DOCK1: variants seen among roughly 807,000 people sequenced by gnomAD.
DOCK1 encodes dedicator of cytokinesis 1, also known as dedicator of cytokinesis protein 1.
In DOCK1, 138 loss-of-function variants were observed where a neutral mutation model predicts 262.7. That is an observed-to-expected ratio of 0.53 (90% confidence interval 0.46 to 0.61). The LOEUF (loss-of-function observed/expected upper bound fraction) is 0.61, where lower values mean the gene tolerates loss of function less well. Ranked by LOEUF, DOCK1 falls within the 20% of genes least tolerant of loss-of-function variation. DOCK1 has a pLI of 0.00. For missense variants in DOCK1, 1,908 were observed against 2,370.7 expected (o/e 0.80, Z 4.05); for synonymous variants, 866 against 867.4 (o/e 1.00, Z 0.03).
intron 29 of DOCK1, among the ~76,000 whole-genome samples, chr10:127,286,114 A>G (rs1353792237): frequency 1.3e-5 from 2 of 152,098 alleles, no homozygotes; most frequent in African/African-American, 4.8e-5. Context: ...CTCCATGTGT[A>G]GGCCTGAATC....
intron 1 of DOCK1, among the ~76,000 whole-genome samples, chr10:126,941,395 CT>C (rs2034967813): frequency 1.8e-5 from 2 of 108,964 alleles, no homozygotes; most frequent in African/African-American, 2.6e-5. Context: ...CTAGTTTTAA[CT>C]TTAGTCTTTT....
intron 21 of DOCK1, among the ~76,000 whole-genome samples, chr10:127,045,061 G>A (rs2044251892): frequency 6.6e-6 from 1 of 151,954 alleles, no homozygotes; most frequent in South Asian, 2.1e-4. Context: ...AGCTGCGCGT[G>A]GTGGCACGTG....
intron 38 of DOCK1, chr10:127,402,717 C>G (rs1338886813): frequency 1.9e-6 from 1 of 536,402 alleles, no homozygotes; most frequent in Admixed American, 1.9e-5. Flanking sequence ...TTCCCTGGCT[C>G]CAAGGCTGCT....
intron 29 of DOCK1, among the ~76,000 whole-genome samples, chr10:127,335,451 CAGAA>C (rs1406072536): frequency 6.6e-6 from 1 of 152,214 alleles, no homozygotes; most frequent in Non-Finnish European, 1.5e-5. Flanking sequence ...TCCTCTGTAA[CAGAA>C]AGCGGATTGG....
chr10:127,384,969 T>G, intron 38 of DOCK1, 60 bp downstream of exon 38: 1 of 1,444,914 alleles, frequency 6.9e-7, no homozygotes, highest in Non-Finnish European at 9.1e-7. Context: ...CCTGCAGTGT[T>G]GTAAACACGT....
intron 1 of DOCK1, among the ~76,000 whole-genome samples, chr10:126,922,823 G>C (rs902516759): frequency 1.3e-5 from 2 of 152,132 alleles, no homozygotes; most frequent in African/African-American, 4.8e-5. Context: ...TAAAAAAAAA[G>C]ATGAGGACCG....
chr10:127,194,768 T>G (rs965567394), intron 27 of DOCK1, among the ~76,000 whole-genome samples: 5 of 152,152 alleles, frequency 3.3e-5, no homozygotes, highest in African/African-American at 1.2e-4. Flanking sequence ...TATCCTGAGC[T>G]GTAGTCTTCT....
At chr10:127,373,647 T>C (rs2065331620) in intron 33 of DOCK1, 134 bp from the exon 34 acceptor site, 1 of 779,320 alleles carries the variant, frequency 1.3e-6, no homozygotes, top group Admixed American at 2.4e-5. Context: ...TGGCAACTCT[T>C]AAATGAGGCT....
intron 21 of DOCK1, 42 bp downstream of exon 21, chr10:127,043,206 G>A: frequency 6.9e-7 from 1 of 1,453,940 alleles, no homozygotes; most frequent in East Asian, 2.3e-5. Context: ...TTCTTTTTTT[G>A]GTATTTGTGT....
At chr10:127,246,076 C>T (rs2059422351) in intron 27 of DOCK1, among the ~76,000 whole-genome samples, 2 of 152,208 alleles carry the variant, frequency 1.3e-5, no homozygotes, top group Non-Finnish European at 2.9e-5. Flanking sequence ...CACCCTCTTC[C>T]AGCTTTCTCT....
chr10:127,308,886 G>T (rs148464435), intron 29 of DOCK1, among the ~76,000 whole-genome samples: 2 of 152,134 alleles, frequency 1.3e-5, no homozygotes, highest in Non-Finnish European at 2.9e-5. Flanking sequence ...AAATAGTGTC[G>T]CAATAAACAT....
chr10:127,031,055 C>G (rs2043204115), intron 16 of DOCK1, among the ~76,000 whole-genome samples: 1 of 152,198 alleles, frequency 6.6e-6, no homozygotes, highest in Non-Finnish European at 1.5e-5. Flanking sequence ...TCGCCAAAGG[C>G]AGCACAATTT....
Position 127,000,192 on chromosome 10 carries a change from G to A in DOCK1, c.870G>A (p.Leu290=), listed in dbSNP as rs374911005. 1 of 1,614,004 alleles carries A rather than the reference G, an allele frequency of 6.2e-7. No homozygotes were observed. The highest frequency in any genetic ancestry group is 8.5e-7 in the Non-Finnish European group (1 of 1,179,876). Residue 290 remains leucine (L), a synonymous_variant, in exon 10 of 52, where the codon CTG becomes CTA. Transcript: ENST00000623213. ...TCTAGGACCTCGGAAGCAAAGACCT[G>A]AAAAGGGAGAAAATCAGTTTTGTCT... is the stretch of plus-strand genomic sequence containing the variant. ...AVFTDLGSKD[L]KREKISFVCQ... is the part of the protein sequence containing the mutation.
At chr10:126,954,837 A>G (rs1256613473) in intron 1 of DOCK1, among the ~76,000 whole-genome samples, 1 of 152,204 alleles carries the variant, frequency 6.6e-6, no homozygotes, top group African/African-American at 2.4e-5. Flanking sequence ...GTTGATAGAC[A>G]TTTGGGTTGC....
At chr10:127,234,693 G>A (rs1194497386) in intron 27 of DOCK1, among the ~76,000 whole-genome samples, 1 of 151,876 alleles carries the variant, frequency 6.6e-6, no homozygotes, top group Admixed American at 6.6e-5. Flanking sequence ...GAATACTCAA[G>A]AAAAATGTGA....
chr10:127,064,508 G>A (rs2045732102), intron 23 of DOCK1, among the ~76,000 whole-genome samples: 1 of 152,206 alleles, frequency 6.6e-6, no homozygotes, highest in South Asian at 2.1e-4. Flanking sequence ...GGTCATTTAA[G>A]TGAGAAAACA....
intron 29 of DOCK1, among the ~76,000 whole-genome samples, chr10:127,281,063 T>G (rs1198201802): frequency 6.6e-6 from 1 of 152,238 alleles, no homozygotes; most frequent in Non-Finnish European, 1.5e-5. Context: ...CTTGGCTTCC[T>G]TGTTTGGTTT....
intron 2 of DOCK1, 40 bp downstream of exon 2, chr10:126,970,825 G>T (rs374924025): frequency 6.3e-7 from 1 of 1,596,796 alleles, no homozygotes. Context: ...TACATTTTGG[G>T]CAGATGGCAC....
At chr10:127,320,632 T>C (rs1210026123) in intron 29 of DOCK1, among the ~76,000 whole-genome samples, 1 of 152,050 alleles carries the variant, frequency 6.6e-6, no homozygotes, top group African/African-American at 2.4e-5. Flanking sequence ...AAACTAGACA[T>C]GGGGAGAGAA....
Sources: allele counts gnomAD v4.1 joint callset (sites outside exome capture counted in the v4.1 genomes callset), GRCh38; gene constraint gnomAD v4.1.1; transcripts MANE v1.5; gene names NCBI Gene and HGNC (gene_info 2026-07-23, HGNC 2026-07-21).